GRIN2A: variants seen among roughly 807,000 people sequenced by gnomAD.
GRIN2A encodes glutamate receptor ionotropic, NMDA 2A.
A neutral mutation model predicts 113.4 loss-of-function variants in GRIN2A; 22 were observed. The ratio of observed to expected loss-of-function variants is 0.19; its 90% CI spans 0.14 to 0.28. GRIN2A has a LOEUF of 0.28. Ranked by LOEUF, GRIN2A falls within the 10% of genes least tolerant of loss-of-function variation. GRIN2A has a pLI of 1.00. For synonymous variants in GRIN2A, 827 were observed against 738.4 expected (o/e 1.12, Z -1.94); for missense variants, 1,502 against 1,887.0 (o/e 0.80, Z 3.78).
At chr16:9,811,496 T>C (rs547224492) in intron 10 of GRIN2A, among the ~76,000 whole-genome samples, 1 of 152,328 alleles carries the variant, frequency 6.6e-6, no homozygotes, top group African/African-American at 2.4e-5. Flanking sequence ...TGGTGGCTCA[T>C]GCCTGTAATT....
At chr16:9,945,520 G>A (rs2044998688) in intron 2 of GRIN2A, among the ~76,000 whole-genome samples, 1 of 152,018 alleles carries the variant, frequency 6.6e-6, no homozygotes, top group East Asian at 1.9e-4. Flanking sequence ...GTCAGGATAG[G>A]GAGTCTGTAT....
At chr16:9,912,686 T>C (rs565095568) in intron 3 of GRIN2A, among the ~76,000 whole-genome samples, 3 of 152,268 alleles carry the variant, frequency 2.0e-5, no homozygotes, top group Admixed American at 1.3e-4. Context: ...ATATGGAGTA[T>C]CTCTGCGTAT....
chr16:9,813,374 G>C (rs2042123772), intron 10 of GRIN2A, among the ~76,000 whole-genome samples: 1 of 152,142 alleles, frequency 6.6e-6, no homozygotes. Flanking sequence ...ATTATAGTCA[G>C]AAGAAACTTT....
At chr16:10,064,953 C>G (rs1432177827) in intron 2 of GRIN2A, among the ~76,000 whole-genome samples, 1 of 152,200 alleles carries the variant, frequency 6.6e-6, no homozygotes, top group Non-Finnish European at 1.5e-5. Context: ...TTTTCAATGT[C>G]ACCTACCTAA....
At chr16:9,963,478 A>G (rs1031906618) in intron 2 of GRIN2A, among the ~76,000 whole-genome samples, 15 of 151,848 alleles carry the variant, frequency 9.9e-5, no homozygotes, top group African/African-American at 2.9e-4. Context: ...TCCTCTCCCT[A>G]TGTTCATGTA....
At chr16:10,179,606 A>G (rs1041622224) in intron 2 of GRIN2A, 1 of 244,286 alleles carries the variant, frequency 4.1e-6, no homozygotes, top group African/African-American at 2.2e-5. Flanking sequence ...CAATCAGGTA[A>G]AACTGGCATT....
intron 2 of GRIN2A, among the ~76,000 whole-genome samples, chr16:10,129,457 C>G (rs935339421): frequency 6.6e-6 from 1 of 152,098 alleles, no homozygotes; most frequent in African/African-American, 2.4e-5. Context: ...GGGCTAATGG[C>G]TAGAGTGGAG....
chr16:9,810,926 G>A (rs755726901), intron 10 of GRIN2A, among the ~76,000 whole-genome samples: 6 of 152,256 alleles, frequency 3.9e-5, no homozygotes, highest in East Asian at 3.9e-4. Context: ...GGTTGGCCCC[G>A]GGCACTTTCC....
chr16:9,978,629 A>G (rs2045822907), intron 2 of GRIN2A, among the ~76,000 whole-genome samples: 1 of 152,140 alleles, frequency 6.6e-6, no homozygotes, highest in South Asian at 2.1e-4. Context: ...CCACTCCATG[A>G]CCTGGCTCAA....
intron 4 of GRIN2A, among the ~76,000 whole-genome samples, chr16:9,886,743 T>C (rs2043594170): frequency 6.6e-6 from 1 of 152,250 alleles, no homozygotes; most frequent in East Asian, 1.9e-4. Context: ...CTCCGGTGGA[T>C]CAACTGAAGG....
chr16:9,935,860 C>A (rs151252325), intron 3 of GRIN2A, among the ~76,000 whole-genome samples: 136 of 152,140 alleles, frequency 8.9e-4, no homozygotes, highest in Non-Finnish European at 1.4e-3. Context: ...CTCTACCACA[C>A]CTGGCTAACA....
intron 5 of GRIN2A, among the ~76,000 whole-genome samples, chr16:9,849,426 T>G (rs2042839875): frequency 6.6e-6 from 1 of 152,010 alleles, no homozygotes; most frequent in African/African-American, 2.4e-5. Context: ...TGGAGTCAGT[T>G]GGACCACTGT....
intron 2 of GRIN2A, among the ~76,000 whole-genome samples, chr16:10,039,618 C>T (rs576184658): frequency 1.2e-4 from 18 of 151,670 alleles, no homozygotes; most frequent in Non-Finnish European, 2.2e-4. Context: ...GCGTTGGGCG[C>T]GGGGAGGGTC....
In GRIN2A at chr16:9,859,343, C is replaced by T. The variant is rs552180571; in HGVS notation, c.1123-9382G>A. On this transcript the variant is annotated intron_variant, in intron 4 of 12. Coordinates refer to ENST00000330684, the MANE Select transcript of GRIN2A (RefSeq NM_001134407.3). ...TTACAATTAAAATAGCACTAAAAACCGTGCATACATAAGTGTCTGATACAT... is the reference window on the plus strand; with the variant it reads ...TTACAATTAAAATAGCACTAAAAACTGTGCATACATAAGTGTCTGATACAT... Among the ~76,000 whole-genome samples the T allele has an allele frequency of 8.0e-4, 121 of 152,162 alleles. 2 individuals carry two copies. Among genetic ancestry groups the T allele is most frequent in the Middle Eastern group, 3.4e-3 (1 of 294 alleles).
chr16:10,068,426 G>T (rs1017719379), intron 2 of GRIN2A, among the ~76,000 whole-genome samples: 8 of 152,222 alleles, frequency 5.3e-5, no homozygotes, highest in African/African-American at 1.4e-4. Flanking sequence ...AAGGTGAAGG[G>T]GGAGCAGGCA....
At chr16:10,070,586 G>A (rs2047730568) in intron 2 of GRIN2A, among the ~76,000 whole-genome samples, 1 of 152,166 alleles carries the variant, frequency 6.6e-6, no homozygotes, top group South Asian at 2.1e-4. Context: ...CTTGAAGCCC[G>A]AGATCCTAGT....
intron 2 of GRIN2A, among the ~76,000 whole-genome samples, chr16:10,124,210 T>A (rs570885176): frequency 1.3e-5 from 2 of 152,192 alleles, no homozygotes; most frequent in African/African-American, 4.8e-5. Context: ...TAGGCCACGA[T>A]GTATAGGGAA....
intron 3 of GRIN2A, among the ~76,000 whole-genome samples, chr16:9,897,247 T>C (rs2043825605): frequency 8.6e-6 from 1 of 115,970 alleles, no homozygotes; most frequent in Non-Finnish European, 1.8e-5. Flanking sequence ...TACGTACATA[T>C]ATATACACAT....
Position 9,881,230 on chromosome 16 carries a change from T to C in GRIN2A, c.1122+9756A>G, listed in dbSNP as rs572652364. ...TGTTATTCTCTCATTTGCCAGAAGT[T>C]ATTCAAGATGCAACAAGATTCCAAT... On this transcript the variant is annotated intron_variant, in intron 4 of 12. Transcript: ENST00000330684. 2.0e-4 allele frequency among the ~76,000 whole-genome samples: 30 copies of C among 152,366 alleles called. 1 individual carries two copies. The East Asian group carries it at 2.5e-3, about 13-fold the overall frequency.
Sources: allele counts gnomAD v4.1 joint callset (sites outside exome capture counted in the v4.1 genomes callset), GRCh38; gene constraint gnomAD v4.1.1; transcripts MANE v1.5; gene names NCBI Gene and HGNC (gene_info 2026-07-23, HGNC 2026-07-21).